ATG16L2: variants seen among roughly 807,000 people sequenced by gnomAD.
ATG16L2 encodes protein Atg16l2.
Under a neutral mutation model 84.7 loss-of-function variants are expected in ATG16L2, and 77 were observed. The ratio of observed to expected loss-of-function variants is 0.91; its 90% CI spans 0.76 to 1.10. ATG16L2 has a LOEUF of 1.10. Ranked by LOEUF, ATG16L2 falls within the 50% of genes least tolerant of loss-of-function variation. The pLI, the probability that ATG16L2 is intolerant of heterozygous loss-of-function variation, is 0.00. For missense variants in ATG16L2, 782 were observed against 817.6 expected, an observed-to-expected ratio of 0.96 and a Z score of 0.53; for synonymous variants, 361 against 342.8, an observed-to-expected ratio of 1.05 and a Z score of -0.59.
intron 2 of ATG16L2, 75 bp from the exon 3 acceptor site, chr11:72,817,681 T>G (rs1859770301): frequency 1.4e-6 from 2 of 1,432,276 alleles, no homozygotes; most frequent in Non-Finnish European, 9.8e-7. Context: ...AGGCTTTTCA[T>G]GTAGCATCAC....
In ATG16L2 at chr11:72,826,238, C is replaced by T. The variant is rs931895562; in HGVS notation, c.1168C>T (p.Pro390Ser). 6.2e-7 allele frequency: 1 copy of T among 1,613,726 alleles called. No individual in the cohort carries two copies. The highest frequency in any genetic ancestry group is 1.3e-5 in the African/African-American group (1 of 74,924). ...CAGCATCACCAGTGTGGACTTTGAC[C>T]CCTCGGTGAGGAACTCTGCCCCAGT... Reference protein sequence around the residue: ...GGSITSVDFDPSGYQVLAATY... With the variant: ...GGSITSVDFDSSGYQVLAATY... The change falls in exon 11 of 18, where the codon CCC becomes TCC. Residue 390 changes from proline to serine, a missense_variant. Coordinates refer to ENST00000321297, the MANE Select transcript of ATG16L2 (RefSeq NM_033388.2).
At position 72,829,558 on chromosome 11, in the gene ATG16L2, A is replaced by C; in HGVS notation, c.*168A>C. On this transcript the variant is annotated 3_prime_UTR_variant, in exon 18 of 18. Coordinates refer to ENST00000321297, the MANE Select transcript of ATG16L2 (RefSeq NM_033388.2). ...TTAAAAATGAAGTATGGGTTGGGGG[A>C]TTACGCTAGTTTTTCTTTGTATTTT... 1 of 1,381,366 alleles carries C rather than the reference A, an allele frequency of 7.2e-7. No individual in the cohort carries two copies. Among genetic ancestry groups the C allele is most frequent in the South Asian group, 1.7e-5 (1 of 58,660 alleles). 85.6% of individuals were successfully genotyped at this position (1,381,366 alleles called of 1,614,324 possible).
At chr11:72,825,241 T>G (rs1031879376) in intron 9 of ATG16L2, 61 bp from the exon 10 acceptor site, 192 of 1,344,872 alleles carry the variant, frequency 1.4e-4, no homozygotes, top group Non-Finnish European at 1.9e-4. Context: ...AGAGGGCCCG[T>G]GAGCACTCAC....
At position 72,822,434 on chromosome 11, in the gene ATG16L2, C is replaced by G. The variant is rs556826875; in HGVS notation, c.645-44C>G. The G allele has an allele frequency of 8.6e-5, 138 of 1,611,526 alleles. 1 individual carries two copies. In the East Asian group the frequency reaches 3.1e-3, roughly 36 times the overall value. On this transcript the variant is annotated intron_variant, in intron 5 of 17. Coordinates refer to ENST00000321297, the MANE Select transcript of ATG16L2 (RefSeq NM_033388.2). The surrounding 1 kb of genome is among the most constrained non-coding windows in gnomAD (Gnocchi z 4.2). ...GACCGGGTCTAGCCCCGCCTGCGTGCGAGGCGCCGCGCCAGGGTCTCAGGA... is the reference window on the plus strand; with the variant it reads ...GACCGGGTCTAGCCCCGCCTGCGTGGGAGGCGCCGCGCCAGGGTCTCAGGA...
At chr11:72,820,628 C>T (rs1859935119) in intron 3 of ATG16L2, among the ~76,000 whole-genome samples, 1 of 152,220 alleles carries the variant, frequency 6.6e-6, no homozygotes, top group South Asian at 2.1e-4. Context: ...CAGACTCACT[C>T]ACATAGCGCG....
chr11:72,827,026 G>C (rs1459269111), intron 13 of ATG16L2, 162 bp from the exon 14 acceptor site: 4 of 839,640 alleles, frequency 4.8e-6, no homozygotes, highest in Non-Finnish European at 5.5e-6. Flanking sequence ...CAGGCTGTGG[G>C]TAGGAAAAAG....
At chr11:72,834,540 G>C (rs1356893198), downstream of ATG16L2, among the ~76,000 whole-genome samples, 1 of 151,914 alleles carries the variant, frequency 6.6e-6, no homozygotes, top group African/African-American at 2.4e-5. Context: ...ACTCATCCAG[G>C]GCATGAGAGT....
At chr11:72,821,477 C>G in intron 3 of ATG16L2, 191 bp from the exon 4 acceptor site, 2 of 1,403,808 alleles carry the variant, frequency 1.4e-6, no homozygotes, top group Non-Finnish European at 9.3e-7. Context: ...CTCCAGAGCC[C>G]GAGGGCCTTC....
At position 72,829,316 on chromosome 11, in the gene ATG16L2, G is replaced by A. The variant is rs1217029703; in HGVS notation, c.1786G>A (p.Ala596Thr). 11 of 1,613,128 alleles carry A rather than the reference G, an allele frequency of 6.8e-6. No homozygotes were observed. Among genetic ancestry groups the A allele is most frequent in the African/African-American group, 4.0e-5 (3 of 75,026 alleles). The change falls in exon 18 of 18, where the codon GCC becomes ACC. Residue 596 changes from alanine (A) to threonine (T), a missense_variant. Transcript: ENST00000321297. ...CCCTTTCCCCAGCGCTGCCGTCAAC[G>A]CCGTGGCCTGGTGCTACTCCGGGAG... is the stretch of plus-strand genomic sequence containing the variant. ...LQGPHCAAVNAVAWCYSGSHM... is the reference protein window; with the variant it reads ...LQGPHCAAVNTVAWCYSGSHM...
chr11:72,841,571 G>A, intron 5 of ATG16L2: 1 of 1,605,874 alleles, frequency 6.2e-7, no homozygotes. Context: ...TGTGGCTTGG[G>A]GGAAGGAGAG....
intron 15 of ATG16L2, 64 bp downstream of exon 15, chr11:72,828,572 G>A (rs1355788550): frequency 1.9e-6 from 3 of 1,607,086 alleles, no homozygotes; most frequent in East Asian, 4.5e-5. Context: ...CTCTTCTCCT[G>A]TAATAGACCC....
At chr11:72,836,684 G>C (rs1160259330) in intron 5 of ATG16L2, 2 of 152,490 alleles carry the variant, frequency 1.3e-5, no homozygotes, top group African/African-American at 4.8e-5. Context: ...TTTATAAGAA[G>C]CATGGGCCTT....
At chr11:72,818,105 C>A in intron 3 of ATG16L2, 1 of 517,650 alleles carries the variant, frequency 1.9e-6, no homozygotes, top group Non-Finnish European at 3.5e-6. Flanking sequence ...GCCCATTTCC[C>A]TTCCACATGG....
intron 5 of ATG16L2, chr11:72,837,355 G>A (rs1014364095): frequency 1.3e-5 from 2 of 152,478 alleles, no homozygotes; most frequent in Non-Finnish European, 1.5e-5. Context: ...AATCCCATGG[G>A]GACATTTGGC....
At chr11:72,816,242 AGCGCTGGGAATTCAGG>A (rs1310867025) in intron 1 of ATG16L2, 1 of 153,270 alleles carries the variant, frequency 6.5e-6, no homozygotes, top group Admixed American at 6.5e-5. Context: ...GGCCTCCCAG[AGCGCTGGGAATTCAGG>A]TGTGAGCCAC....
intron 1 of ATG16L2, 95 bp from the exon 2 acceptor site, chr11:72,816,633 G>A (rs1450278295): frequency 6.1e-6 from 6 of 990,982 alleles, no homozygotes; most frequent in Non-Finnish European, 9.4e-6. Flanking sequence ...AGCATCTCTG[G>A]GCTCCTTCAG....
At position 72,827,196 on chromosome 11, in the gene ATG16L2, A is replaced by G. The variant is rs1401869716; in HGVS notation, c.1375A>G (p.Thr459Ala). 1.2e-6 allele frequency: 2 copies of G among 1,613,716 alleles called. No homozygotes were observed. Among genetic ancestry groups the G allele is most frequent in the Admixed American group, 3.3e-5 (2 of 59,992 alleles). The change falls in exon 14 of 18, where the codon ACC becomes GCC. Residue 459 changes from threonine (T) to alanine (A), a missense_variant. Coordinates refer to ENST00000321297, the MANE Select transcript of ATG16L2 (RefSeq NM_033388.2). ...TGCTGCTTGGTCCCCAGGCTCCAGG[A>G]CCATCAATGTCCTTTCCTACTGTAA... ...WDLGRAYCSRTINVLSYCNDV... is the reference protein window; with the variant it reads ...WDLGRAYCSRAINVLSYCNDV...
intron 7 of ATG16L2, chr11:72,823,804 A>C: frequency 1.7e-6 from 1 of 585,368 alleles, no homozygotes; most frequent in East Asian, 3.8e-5. Context: ...GTTGGTGGGT[A>C]CTAGTAGGGT....
At chr11:72,821,319 C>T (rs1859979106) in intron 3 of ATG16L2, 2 of 1,074,756 alleles carry the variant, frequency 1.9e-6, no homozygotes, top group Non-Finnish European at 2.3e-6. Flanking sequence ...GAGGAGTCCT[C>T]GCAGTGGTTA....
Sources: allele counts gnomAD v4.1 joint callset (sites outside exome capture counted in the v4.1 genomes callset), GRCh38; gene constraint gnomAD v4.1.1; non-coding constraint Gnocchi (gnomAD v3.1); transcripts MANE v1.5; gene names NCBI Gene and HGNC (gene_info 2026-07-23, HGNC 2026-07-21).